The following PDE4D variants were observed in gnomAD, a reference collection of about 807,000 sequenced individuals.
The protein encoded by PDE4D is phosphodiesterase 4D, also known as 3',5'-cyclic-AMP phosphodiesterase 4D.
PDE4D carries 24 observed loss-of-function variants against 87.4 expected under a neutral mutation model. That is an observed-to-expected ratio of 0.27 (90% CI 0.20 to 0.39). The LOEUF (loss-of-function observed/expected upper bound fraction) is 0.39, where lower values mean the gene tolerates loss of function less well. Ranked by LOEUF, PDE4D falls within the 10% of genes least tolerant of loss-of-function variation. The pLI is 1.00. For synonymous variants in PDE4D, 384 were observed against 383.2 expected, an observed-to-expected ratio of 1.00 and a Z score of -0.02; for missense variants, 714 against 1,041.0, an observed-to-expected ratio of 0.69 and a Z score of 4.32.
At chr5:60,285,868 C>T (rs978595198) in intron 1 of PDE4D, among the ~76,000 whole-genome samples, 1 of 152,188 alleles carries the variant, frequency 6.6e-6, no homozygotes, top group African/African-American at 2.4e-5. Context: ...CAGCAGATCA[C>T]ATGAGTGGGT....
At chr5:59,480,668 A>G (rs1358247886) in intron 1 of PDE4D, among the ~76,000 whole-genome samples, 1 of 152,160 alleles carries the variant, frequency 6.6e-6, no homozygotes, top group Admixed American at 6.6e-5. Context: ...TTATTTTCCA[A>G]TATGACATTT....
chr5:59,600,276 T>C lies in PDE4D; in HGVS notation c.455+292892A>G, dbSNP rs1182461095. Among the ~76,000 whole-genome samples, 3 of 152,168 alleles carry C rather than the reference T, an allele frequency of 2.0e-5. No individual in the cohort carries two copies. The East Asian group carries it at 5.8e-4, about 29-fold the overall frequency. On this transcript the variant is annotated intron_variant, in intron 1 of 14. Coordinates refer to ENST00000340635, the MANE Select transcript of PDE4D (RefSeq NM_001104631.2). ...GGTTGGACTCACGGCACTACTCAGT[T>C]CTCTCTCTCTTAAAAATATATCTTC...
At chr5:60,434,920 A>T (rs1036657240) in intron 1 of PDE4D, among the ~76,000 whole-genome samples, 10 of 152,148 alleles carry the variant, frequency 6.6e-5, no homozygotes, top group Non-Finnish European at 1.5e-4. Flanking sequence ...GGAGTTAGAG[A>T]TTAACTGCTT....
At chr5:59,441,540 C>T (rs1428482773) in intron 1 of PDE4D, among the ~76,000 whole-genome samples, 1 of 152,176 alleles carries the variant, frequency 6.6e-6, no homozygotes, top group Admixed American at 6.5e-5. Flanking sequence ...TGGCAACACC[C>T]TTCTGGACTG....
chr5:59,410,211 C>G (rs1022850882), intron 1 of PDE4D, among the ~76,000 whole-genome samples: 5 of 151,938 alleles, frequency 3.3e-5, no homozygotes, highest in Admixed American at 3.3e-4. Context: ...TAAATGGCAT[C>G]CTACTCTCTA....
At chr5:60,448,134 C>G (rs1745801384) in intron 1 of PDE4D, among the ~76,000 whole-genome samples, 1 of 151,540 alleles carries the variant, frequency 6.6e-6, no homozygotes, top group Non-Finnish European at 1.5e-5. Context: ...ACATCTGTTC[C>G]AAATAGAAGA....
rs147908406 is a variant in PDE4D, at chr5:60,315,802, T to G, written c.-89-130115A>C. Among the ~76,000 whole-genome samples the G allele has an allele frequency of 3.9e-5, 6 of 151,916 alleles. No homozygotes were observed. The South Asian group carries it at 1.0e-3, about 26-fold the overall frequency. On this transcript the variant is annotated intron_variant, in intron 1 of 16. Transcript: ENST00000502484. ...GTCAAAGATCAGATGGTTGTAGATA[T>G]GCAGCATTATTTCTGAGGTCTCTGT...
intron 3 of PDE4D, among the ~76,000 whole-genome samples, chr5:59,914,866 GGTGTGTGTGTGTGTGTGT>G (rs3062699): frequency 1.6e-4 from 20 of 122,542 alleles, no homozygotes; most frequent in Admixed American, 4.3e-4. Context: ...TACTGATAGG[GGTGTGTGTGTGTGTGTGT>G]GTGTGTGTGT....
intron 1 of PDE4D, chr5:60,459,978 T>C: frequency 1.2e-6 from 1 of 817,702 alleles, no homozygotes; most frequent in African/African-American, 1.7e-5. Context: ...CATCATCTTC[T>C]TCTCATTCTG....
At chr5:60,478,362 G>A (rs1264267319) in intron 1 of PDE4D, among the ~76,000 whole-genome samples, 2 of 152,024 alleles carry the variant, frequency 1.3e-5, no homozygotes, top group Non-Finnish European at 2.9e-5. Flanking sequence ...AAGCTGTCTG[G>A]TTTTCTTTAT....
rs574333107 is a variant in PDE4D, at chr5:59,056,403, G to A, written c.809-17432C>T. ...TCAACCGACTGGACGCTGAGACAATGTTTAAAAAGGAGTTTTTTTGTTTGT... is the reference window on the plus strand; with the variant it reads ...TCAACCGACTGGACGCTGAGACAATATTTAAAAAGGAGTTTTTTTGTTTGT... On this transcript the variant is annotated intron_variant, in intron 5 of 14. Transcript: ENST00000340635. Among the ~76,000 whole-genome samples the A allele has an allele frequency of 4.1e-4, 63 of 152,182 alleles. 1 individual carries two copies. The South Asian group carries it at 9.4e-3, about 23-fold the overall frequency.
intron 1 of PDE4D, among the ~76,000 whole-genome samples, chr5:59,384,368 A>G (rs16889733): frequency 0.38 from 57,396 of 151,964 alleles, 12,241 homozygotes; most frequent in African/African-American, 0.58. Context: ...GCCAATCAGC[A>G]GCCAAGCGTT....
At chr5:59,329,417 C>G (rs148518714) in intron 1 of PDE4D, among the ~76,000 whole-genome samples, 42 of 152,264 alleles carry the variant, frequency 2.8e-4, no homozygotes, top group African/African-American at 7.7e-4. Flanking sequence ...AAAATCTAAC[C>G]AGAATGCTTG....
chr5:59,157,413 C>G (rs1226940101), intron 5 of PDE4D: 1 of 701,178 alleles, frequency 1.4e-6, no homozygotes, highest in Admixed American at 2.0e-5. Flanking sequence ...TTTTTCTAAA[C>G]AGGTGCTGTG....
intron 5 of PDE4D, among the ~76,000 whole-genome samples, chr5:59,076,183 T>C (rs560883469): frequency 1.3e-5 from 2 of 152,294 alleles, no homozygotes; most frequent in Admixed American, 1.3e-4. Context: ...AATTTACATT[T>C]TATACAGTGT....
At chr5:59,908,495 C>T (rs1216096068) in intron 3 of PDE4D, among the ~76,000 whole-genome samples, 1 of 152,068 alleles carries the variant, frequency 6.6e-6, no homozygotes, top group Non-Finnish European at 1.5e-5. Context: ...TTCCTTATAC[C>T]TTTTGTCTCC....
intron 1 of PDE4D, among the ~76,000 whole-genome samples, chr5:60,338,087 A>G (rs921992900): frequency 1.3e-5 from 2 of 152,114 alleles, no homozygotes; most frequent in African/African-American, 4.8e-5. Flanking sequence ...ATAGGTAGAT[A>G]AAGGAAGGTG....
chr5:59,315,124 G>T (rs148918367), intron 1 of PDE4D, among the ~76,000 whole-genome samples: 1 of 151,888 alleles, frequency 6.6e-6, no homozygotes, highest in Non-Finnish European at 1.5e-5. Flanking sequence ...TTTCCTTTTC[G>T]CCCAATAAAT....
intron 1 of PDE4D, among the ~76,000 whole-genome samples, chr5:60,398,414 G>T (rs963081804): frequency 1.3e-5 from 2 of 152,154 alleles, no homozygotes; most frequent in African/African-American, 4.8e-5. Flanking sequence ...TCCAGATTAG[G>T]GTTGACATTG....
Sources: gnomAD v4.1 joint callset for allele counts (sites outside exome capture counted in the v4.1 genomes callset) on GRCh38, gnomAD v4.1.1 for gene constraint, MANE v1.5 for transcripts, NCBI Gene and HGNC (gene_info 2026-07-23, HGNC 2026-07-21) for gene names.